Variants in USP32 observed in about 807,000 individuals in gnomAD.
USP32 encodes the protein ubiquitin specific peptidase 32, also known as ubiquitin carboxyl-terminal hydrolase 32.
USP32 carries 59 observed loss-of-function variants against 204.8 expected under a neutral mutation model. The ratio of observed to expected loss-of-function variants is 0.29; its 90% CI spans 0.23 to 0.36. The LOEUF (loss-of-function observed/expected upper bound fraction) is 0.36. Among genes scored for constraint, USP32 ranks in the 10% least tolerant of loss-of-function variants. The pLI, the probability that USP32 is intolerant of heterozygous loss-of-function variation, is 1.00. For missense variants in USP32, 1,160 were observed against 1,946.4 expected (o/e 0.60, Z 7.60); for synonymous variants, 517 against 678.4 (o/e 0.76, Z 3.70).
intron 12 of USP32, among the ~76,000 whole-genome samples, chr17:60,229,661 G>C (rs895792972): frequency 2.0e-5 from 3 of 152,090 alleles, no homozygotes; most frequent in African/African-American, 7.2e-5. Flanking sequence ...AAGTCACTTT[G>C]TTTTCCTCCA....
chr17:60,257,554 A>T (rs1318139305), intron 9 of USP32, among the ~76,000 whole-genome samples: 1 of 152,114 alleles, frequency 6.6e-6, no homozygotes, highest in African/African-American at 2.4e-5. Context: ...CAGTGGTGTG[A>T]TCACAGCTCA....
chr17:60,198,485 G>C (rs2084585310), intron 26 of USP32, 41 bp from the exon 27 acceptor site: 2 of 1,601,674 alleles, frequency 1.2e-6, no homozygotes, highest in Non-Finnish European at 1.7e-6. Flanking sequence ...CAGAAGACAG[G>C]CCTCTGATTC....
chr17:60,325,849 A>C (rs1008002732), intron 2 of USP32, among the ~76,000 whole-genome samples: 1 of 151,974 alleles, frequency 6.6e-6, no homozygotes, highest in Non-Finnish European at 1.5e-5. Context: ...AGATTGCTTG[A>C]GCCCAGGAGG....
intron 25 of USP32, 34 bp from the exon 26 acceptor site, chr17:60,205,692 C>T: frequency 6.2e-7 from 1 of 1,607,562 alleles, no homozygotes; most frequent in South Asian, 1.1e-5. Context: ...GTATCATAAG[C>T]TTGTGGTATT....
At chr17:60,231,504 C>T in intron 12 of USP32, 1 of 485,754 alleles carries the variant, frequency 2.1e-6, no homozygotes, top group Non-Finnish European at 4.2e-6. Context: ...CTTTTATTTC[C>T]CACTCAACTA....
chr17:60,270,756 G>C (rs1051292604), intron 6 of USP32, among the ~76,000 whole-genome samples: 2 of 150,874 alleles, frequency 1.3e-5, no homozygotes, highest in African/African-American at 4.9e-5. Context: ...CCAGGAGGCA[G>C]AGGTTGCAGT....
intron 11 of USP32, among the ~76,000 whole-genome samples, chr17:60,251,368 A>C (rs1319762313): frequency 6.6e-6 from 1 of 152,204 alleles, no homozygotes; most frequent in Admixed American, 6.5e-5. Flanking sequence ...CTATATCTTA[A>C]TTGGCATGTC....
intron 5 of USP32, among the ~76,000 whole-genome samples, chr17:60,288,012 G>A (rs2087163012): frequency 1.3e-5 from 2 of 150,918 alleles, no homozygotes; most frequent in Admixed American, 1.3e-4. Flanking sequence ...TACTCGGGAG[G>A]CTGAGGCAGG....
rs1328890507 is a variant in USP32 at position 60,189,039 on chromosome 17, G to C, written c.3642+1524C>G. ...ATTGCACACTGGATTTGTTAAAAAGGGGAAGAGATTTATAGAGCCAAATAA... is the reference window on the plus strand; with the variant it reads ...ATTGCACACTGGATTTGTTAAAAAGCGGAAGAGATTTATAGAGCCAAATAA... On this transcript the variant is annotated intron_variant, in intron 29 of 33. Transcript: ENST00000300896. 2.0e-5 allele frequency among the ~76,000 whole-genome samples: 3 copies of C among 152,348 alleles called. No homozygotes were observed. The East Asian group carries it at 5.8e-4, about 29-fold the overall frequency.
intron 27 of USP32, among the ~76,000 whole-genome samples, chr17:60,196,270 C>CAAAAAAAAA (rs749074954): frequency 3.1e-5 from 4 of 129,222 alleles, no homozygotes; most frequent in African/African-American, 1.0e-4. Flanking sequence ...ATCCCCACGC[C>CAAAAAAAAA]AAAAAAAGAA....
intron 1 of USP32, among the ~76,000 whole-genome samples, chr17:60,382,058 G>T (rs1346551107): frequency 2.0e-5 from 3 of 152,208 alleles, no homozygotes; most frequent in African/African-American, 7.2e-5. Context: ...ACCCTGACAA[G>T]ATTTAGTGTC....
rs1262324951 is a variant in USP32, at chr17:60,178,727, T to C, written c.*528A>G. ...TATGGAAACAGTTTAAAAAATAAAT[T>C]GAAAAATCCTCGTCCATGCCTTAAG... On this transcript the variant is annotated 3_prime_UTR_variant, in exon 34 of 34. Transcript: ENST00000300896. 1.3e-5 allele frequency among the ~76,000 whole-genome samples: 2 copies of C among 152,188 alleles called. No individual in the cohort carries two copies. Among genetic ancestry groups the C allele is most frequent in the African/African-American group, 4.8e-5 (2 of 41,440 alleles).
At chr17:60,361,957 A>G (rs2089216272) in intron 1 of USP32, among the ~76,000 whole-genome samples, 1 of 152,186 alleles carries the variant, frequency 6.6e-6, no homozygotes. Flanking sequence ...GTGCCTGGAA[A>G]CTAAAAGTGG....
At chr17:60,253,384 TG>T (rs1255478747) in intron 10 of USP32, among the ~76,000 whole-genome samples, 1 of 151,906 alleles carries the variant, frequency 6.6e-6, no homozygotes, top group African/African-American at 2.4e-5. Context: ...AACATGTGAT[TG>T]TTATTTTAAA....
chr17:60,203,646 G>A (rs1469393299), intron 26 of USP32, among the ~76,000 whole-genome samples: 1 of 151,688 alleles, frequency 6.6e-6, no homozygotes, highest in African/African-American at 2.4e-5. Flanking sequence ...GCACGATCTC[G>A]GCTCACTGCA....
chr17:60,391,591 G>A lies in USP32; in HGVS notation c.58+291C>T, dbSNP rs1042393534. 3.3e-5 allele frequency among the ~76,000 whole-genome samples: 5 copies of A among 152,128 alleles called. 1 individual carries two copies. In the South Asian group the frequency reaches 1.0e-3, roughly 31 times the overall value. On this transcript the variant is annotated intron_variant, in intron 1 of 33. Transcript: ENST00000300896. ...GAGCCGCCCAAGAAAACGGGGAGAG[G>A]ACTTCCCTGGACACATCCAGGATCA...
chr17:60,316,806 A>G (rs1340074046), intron 2 of USP32, among the ~76,000 whole-genome samples: 1 of 152,098 alleles, frequency 6.6e-6, no homozygotes, highest in Non-Finnish European at 1.5e-5. Flanking sequence ...ACACTATTGC[A>G]CTCCAGCCTG....
At chr17:60,342,646 C>A (rs1410028881) in intron 2 of USP32, among the ~76,000 whole-genome samples, 1 of 152,204 alleles carries the variant, frequency 6.6e-6, no homozygotes, top group Non-Finnish European at 1.5e-5. Context: ...GATGCCCCTC[C>A]CTCAGCCAGG....
intron 1 of USP32, among the ~76,000 whole-genome samples, chr17:60,372,220 G>T (rs867646509): frequency 4.6e-5 from 7 of 152,306 alleles, no homozygotes; most frequent in African/African-American, 1.7e-4. Flanking sequence ...GAAGGAAAAT[G>T]CCAAGGAAAA....
Sources: allele counts gnomAD v4.1 joint callset (sites outside exome capture counted in the v4.1 genomes callset), GRCh38; gene constraint gnomAD v4.1.1; transcripts MANE v1.5; gene names NCBI Gene and HGNC (gene_info 2026-07-23, HGNC 2026-07-21).